Variants in NOC3L observed in about 807,000 individuals in gnomAD.
The protein encoded by NOC3L is nucleolar complex protein 3 homolog.
Under a neutral mutation model 102.5 loss-of-function variants are expected in NOC3L, and 85 were observed. The ratio of observed to expected loss-of-function variants is 0.83; its 90% CI spans 0.70 to 0.99. NOC3L has a LOEUF of 0.99. Among genes scored for constraint, NOC3L ranks in the 50% least tolerant of loss-of-function variants. The probability of loss-of-function intolerance (pLI) is 0.00; values close to 1 mark genes in which losing one functional copy is unlikely to be tolerated. For missense variants in NOC3L, 878 were observed against 914.9 expected (o/e 0.96, Z 0.52); for synonymous variants, 303 against 309.4 (o/e 0.98, Z 0.22).
At chr10:94,337,988 A>T (rs1211234942) in intron 18 of NOC3L, 114 bp from the exon 19 acceptor site, 2 of 623,666 alleles carry the variant, frequency 3.2e-6, no homozygotes, top group Non-Finnish European at 5.6e-6. Flanking sequence ...TTCATCACCT[A>T]TGTACAGTAT....
intron 8 of NOC3L, among the ~76,000 whole-genome samples, chr10:94,351,174 A>G (rs142946484): frequency 6.6e-6 from 1 of 152,172 alleles, no homozygotes; most frequent in Admixed American, 6.5e-5. Flanking sequence ...CACTGGAAGA[A>G]CAAACACTAA....
intron 6 of NOC3L, among the ~76,000 whole-genome samples, chr10:94,353,912 G>A (rs764907630): frequency 6.6e-6 from 1 of 152,186 alleles, no homozygotes; most frequent in South Asian, 2.1e-4. Context: ...TGATGGTTTC[G>A]ACTGCTTTGA....
At chr10:94,316,294 C>T in the NOC3L span, among the ~76,000 whole-genome samples, 1 of 152,300 alleles carries the variant, frequency 6.6e-6, no homozygotes, top group Middle Eastern at 3.4e-3. Context: ...TCACTAGGAG[C>T]TCTCATTCCA....
At chr10:94,328,425 A>ATACTC (rs776740411), downstream of NOC3L, 1 of 153,168 alleles carries the variant, frequency 6.5e-6, no homozygotes, top group African/African-American at 2.4e-5. Context: ...CATGTCACAA[A>ATACTC]TACTCTTGTT....
intron 2 of NOC3L, among the ~76,000 whole-genome samples, chr10:94,360,986 G>C (rs898106493): frequency 5.9e-5 from 9 of 152,058 alleles, no homozygotes; most frequent in Non-Finnish European, 1.2e-4. Flanking sequence ...ACTCCAGCCT[G>C]GGTGACAGAA....
intron 17 of NOC3L, among the ~76,000 whole-genome samples, chr10:94,339,303 G>A (rs948882869): frequency 3.9e-5 from 6 of 151,998 alleles, no homozygotes; most frequent in African/African-American, 1.2e-4. Context: ...AAGGCACATA[G>A]TCAGAACTAT....
At chr10:94,350,407 C>T in intron 8 of NOC3L, 119 bp from the exon 9 acceptor site, 1 of 867,926 alleles carries the variant, frequency 1.2e-6, no homozygotes, top group East Asian at 2.5e-5. Flanking sequence ...CATTCCCACA[C>T]CCCTTAAAAA....
At chr10:94,356,409 A>T (rs978119500) in intron 5 of NOC3L, 126 bp downstream of exon 5, 1 of 657,028 alleles carries the variant, frequency 1.5e-6, no homozygotes, top group African/African-American at 1.8e-5. Context: ...AAAAATGTTC[A>T]AAGTGACCTT....
At chr10:94,354,892 A>T in intron 6 of NOC3L, 71 bp downstream of exon 6, 1 of 1,476,900 alleles carries the variant, frequency 6.8e-7, no homozygotes, top group South Asian at 1.3e-5. Context: ...ATAGGTAACA[A>T]GGGAATCTTA....
chr10:94,321,908 A>G, the NOC3L span: 1 of 1,612,924 alleles, frequency 6.2e-7, no homozygotes, highest in Non-Finnish European at 8.5e-7. Flanking sequence ...TAGAACCTAG[A>G]AGAGAAAAAC....
intron 2 of NOC3L, 136 bp downstream of exon 2, chr10:94,361,529 T>C (rs1437436074): frequency 8.1e-6 from 6 of 737,520 alleles, no homozygotes; most frequent in Non-Finnish European, 1.4e-5. Flanking sequence ...AGCAGTCCTA[T>C]AGGACTACTA....
chr10:94,346,524 C>A lies in NOC3L; in HGVS notation c.1290G>T (p.Lys430Asn). 1 of 1,431,820 alleles carries A rather than the reference C, an allele frequency of 7.0e-7. No homozygotes were observed. The highest frequency in any genetic ancestry group is 2.5e-5 in the Admixed American group (1 of 40,714). The allele number at this position is 1,431,820 out of a possible 1,614,324, so 88.7% of individuals were successfully genotyped here. Residue 430 changes from lysine (K) to asparagine (N), a missense_variant, in exon 11 of 21, where the codon AAG becomes AAT. Transcript: ENST00000371361. ...CTGTATCTTTTTTCACTTCTACTTC[C>A]TTGATTCTTAGGCATAAAAATGTTT... ...MLKTFLCLRI[K>N]EVEVKKDTED...
chr10:94,316,738 C>G, the NOC3L span: 252,766 of 1,612,102 alleles, frequency 0.16, 22,053 homozygotes, highest in Non-Finnish European at 0.17. Context: ...GCAGGATTGT[C>G]TTAAAAACCC....
chr10:94,354,745 C>T (rs1020604063), intron 6 of NOC3L, among the ~76,000 whole-genome samples: 7 of 152,110 alleles, frequency 4.6e-5, no homozygotes, highest in Non-Finnish European at 1.0e-4. Context: ...GAATAAGATT[C>T]AGAGAGTTTA....
chr10:94,344,821 T>C (rs375647664), intron 12 of NOC3L, 32 bp downstream of exon 12: 8 of 1,503,540 alleles, frequency 5.3e-6, no homozygotes, highest in African/African-American at 1.4e-5. Flanking sequence ...TTAACGCATT[T>C]TAAAAGCATA....
chr10:94,319,864 CTTTTTTTTTTT>C, the NOC3L span, among the ~76,000 whole-genome samples: 3 of 92,912 alleles, frequency 3.2e-5, no homozygotes, highest in African/African-American at 1.1e-4. Flanking sequence ...CAAAGGTGCT[CTTTTTTTTTTT>C]TTTTTTTTTT....
Position 94,355,067 on chromosome 10 carries a change from G to A in NOC3L, c.592C>T (p.Leu198=), listed in dbSNP as rs925914311. Residue 198 remains leucine (L), a synonymous_variant, in exon 6 of 21, where the codon CTG becomes TTG. Transcript: ENST00000371361. ...EEIIEDPIQE[L]TIEEHLIERK... is the part of the protein sequence containing the mutation. The stretch of plus-strand genomic sequence containing the variant: ...TCAATCAAATGTTCTTCTATGGTCA[G>A]CTCTTGAATAGGATCTTCAATGATC... The A allele has an allele frequency of 1.9e-6, 3 of 1,612,000 alleles. No individual in the cohort carries two copies. Among genetic ancestry groups the A allele is most frequent in the Non-Finnish European group, 2.5e-6 (3 of 1,178,930 alleles).
chr10:94,334,701 A>G lies in NOC3L; in HGVS notation c.2207T>C (p.Phe736Ser), dbSNP rs200196729. ...ELSRRSATEL[F>S]EAYSMAEMTF... Reference sequence around the variant, plus strand: ...CATTTCTGCCATGCTATATGCCTCAAAAAGTTCAGTAGCAGATCTAAATCA... The same window carrying G: ...CATTTCTGCCATGCTATATGCCTCAGAAAGTTCAGTAGCAGATCTAAATCA... Residue 736 changes from phenylalanine to serine, a missense_variant, in exon 20 of 21, where the codon TTT becomes TCT. Physicochemically the swap from Phe to Ser is radical, Grantham distance 155 (BLOSUM62 -2). Transcript: ENST00000371361. 6.2e-7 allele frequency: 1 copy of G among 1,612,660 alleles called. No homozygotes were observed. The highest frequency in any genetic ancestry group is 8.5e-7 in the Non-Finnish European group (1 of 1,179,334).
chr10:94,328,197 G>A, the NOC3L span: 4 of 312,788 alleles, frequency 1.3e-5, no homozygotes, highest in South Asian at 6.1e-5. Context: ...TGGAAAAATC[G>A]TCACGAATTG....
Sources: gnomAD v4.1 joint callset for allele counts (sites outside exome capture counted in the v4.1 genomes callset) on GRCh38, gnomAD v4.1.1 for gene constraint, MANE v1.5 for transcripts, NCBI Gene and HGNC (gene_info 2026-07-23, HGNC 2026-07-21) for gene names.